The following PRKN variants were observed in gnomAD, a reference collection of about 807,000 sequenced individuals.
PRKN encodes the protein parkin RBR E3 ubiquitin protein ligase.
In PRKN, 56 loss-of-function variants were observed where a neutral mutation model predicts 59.5. That is an observed-to-expected ratio of 0.94 (90% CI 0.76 to 1.18). PRKN has a LOEUF of 1.18. PRKN is among the 50% of genes most tolerant of loss of function. The probability of loss-of-function intolerance (pLI) is 0.00; values close to 1 mark genes in which losing one functional copy is unlikely to be tolerated. For missense variants in PRKN, 657 were observed against 596.4 expected (o/e 1.10, Z -1.06); for synonymous variants, 250 against 222.1 (o/e 1.13, Z -1.12).
chr6:162,169,795 C>T (rs971293851), intron 4 of PRKN, among the ~76,000 whole-genome samples: 4 of 152,156 alleles, frequency 2.6e-5, no homozygotes, highest in African/African-American at 9.7e-5. Flanking sequence ...ATTAATGAAT[C>T]CTTTTGATCT....
intron 1 of PRKN, among the ~76,000 whole-genome samples, chr6:162,588,013 G>GTTTTTTTTTTTTTTTTT (rs71004102): frequency 1.5e-5 from 2 of 136,666 alleles, no homozygotes; most frequent in Admixed American, 7.5e-5. Context: ...GAGTTTTTGA[G>GTTTTTTTTTTTTTTTTT]TTTTTTTTTT....
chr6:161,614,963 CAGAG>C (rs71694349), intron 7 of PRKN, among the ~76,000 whole-genome samples: 22,206 of 147,084 alleles, frequency 0.15, 1,741 homozygotes, highest in African/African-American at 0.2. Flanking sequence ...GAGAGGAAGA[CAGAG>C]AGAGAGAGAG....
rs1366042925 is a variant in PRKN at position 161,545,256 on chromosome 6, C to A, written c.1083+3598G>T. 4 of 1,411,782 alleles carry A rather than the reference C, an allele frequency of 2.8e-6. No homozygotes were observed. The highest frequency in any genetic ancestry group is 3.7e-6 in the Non-Finnish European group (4 of 1,081,308). The allele number at this position is 1,411,782 out of a possible 1,614,324, so 87.5% of individuals were successfully genotyped here. On this transcript the variant is annotated intron_variant, in intron 9 of 11. Transcript: ENST00000366898. The surrounding 1 kb of genome is among the most constrained non-coding windows in gnomAD (Gnocchi z 4.1). ...CACGGGTGAATTCACAGGCATCTTACAATAAATCTGTGAACCACATCCTGA... is the reference window on the plus strand; with the variant it reads ...CACGGGTGAATTCACAGGCATCTTAAAATAAATCTGTGAACCACATCCTGA...
intron 7 of PRKN, among the ~76,000 whole-genome samples, chr6:161,630,636 C>T (rs1376675156): frequency 6.6e-6 from 1 of 152,114 alleles, no homozygotes; most frequent in East Asian, 1.9e-4. Context: ...ACAAATTCAT[C>T]ATCTTTAAGT....
chr6:161,701,520 G>T (rs532573782), intron 7 of PRKN, among the ~76,000 whole-genome samples: 1 of 152,154 alleles, frequency 6.6e-6, no homozygotes, highest in Admixed American at 6.5e-5. Context: ...CATAAGAAAT[G>T]GATTTTTCAG....
chr6:162,086,099 A>G (rs190750385), intron 4 of PRKN, among the ~76,000 whole-genome samples: 1 of 152,282 alleles, frequency 6.6e-6, no homozygotes, highest in East Asian at 1.9e-4. Context: ...CTCACAATTA[A>G]TGTACTAATG....
intron 1 of PRKN, among the ~76,000 whole-genome samples, chr6:162,541,870 G>A (rs1778937874): frequency 6.6e-6 from 1 of 151,932 alleles, no homozygotes; most frequent in Admixed American, 6.5e-5. Context: ...TCTGAGCTTT[G>A]CTGACATTCA....
At chr6:161,839,756 G>A (rs189628847) in intron 6 of PRKN, among the ~76,000 whole-genome samples, 4 of 152,298 alleles carry the variant, frequency 2.6e-5, no homozygotes, top group African/African-American at 7.2e-5. Flanking sequence ...CAGGAGGGGC[G>A]CAGCCAATCA....
chr6:161,919,413 A>ACCCTAAATT (rs1193189898), intron 6 of PRKN, among the ~76,000 whole-genome samples: 2 of 152,206 alleles, frequency 1.3e-5, no homozygotes, highest in African/African-American at 2.4e-5. Flanking sequence ...TTTTTCTGAA[A>ACCCTAAATT]CTGGATTGTG....
chr6:162,241,870 T>C (rs531613583), intron 3 of PRKN, among the ~76,000 whole-genome samples: 6 of 152,192 alleles, frequency 3.9e-5, no homozygotes, highest in Middle Eastern at 6.8e-3. Flanking sequence ...GAAGTCACTT[T>C]AGTTCTAGTA....
chr6:162,409,388 T>A (rs866843064), intron 2 of PRKN, among the ~76,000 whole-genome samples: 21 of 152,084 alleles, frequency 1.4e-4, no homozygotes, highest in African/African-American at 5.1e-4. Context: ...AGCTTCTGGC[T>A]TAAAGTGATC....
chr6:162,713,634 G>C (rs1387979877), intron 1 of PRKN, among the ~76,000 whole-genome samples: 1 of 151,954 alleles, frequency 6.6e-6, no homozygotes, highest in Non-Finnish European at 1.5e-5. Flanking sequence ...TACAATTAGG[G>C]TTCAAAATTC....
chr6:162,439,367 C>A lies in PRKN; in HGVS notation c.171+3943G>T, dbSNP rs540246788. Among the ~76,000 whole-genome samples, 400 of 135,662 alleles carry A rather than the reference C, an allele frequency of 2.9e-3. 3 individuals carry two copies. The highest frequency in any genetic ancestry group is 0.011 in the African/African-American group (384 of 34,282). 89.0% of individuals were successfully genotyped at this position (135,662 alleles called of 152,430 possible). On this transcript the variant is annotated intron_variant, in intron 2 of 11. Transcript: ENST00000366898. Reference sequence around the variant, plus strand: ...CTCTCTCTCTCTCTCTCTCTCTCTGCCCCTCCCTTCCTCTCTGCTTCTTTT... The same window carrying A: ...CTCTCTCTCTCTCTCTCTCTCTCTGACCCTCCCTTCCTCTCTGCTTCTTTT...
intron 9 of PRKN, among the ~76,000 whole-genome samples, chr6:161,438,900 G>A (rs544552807): frequency 1.3e-5 from 2 of 152,232 alleles, no homozygotes; most frequent in African/African-American, 2.4e-5. Flanking sequence ...AGAAATATAA[G>A]CACATGAGAG....
At chr6:162,323,161 T>C (rs1031182197) in intron 2 of PRKN, among the ~76,000 whole-genome samples, 6 of 151,716 alleles carry the variant, frequency 4.0e-5, no homozygotes, top group Admixed American at 2.0e-4. Flanking sequence ...GCATGGCACA[T>C]GTATACATAT....
intron 7 of PRKN, among the ~76,000 whole-genome samples, chr6:161,596,850 C>A (rs1781933092): frequency 6.6e-6 from 1 of 152,196 alleles, no homozygotes; most frequent in Non-Finnish European, 1.5e-5. Context: ...TGATTTGATG[C>A]AAGACCTGGC....
intron 7 of PRKN, among the ~76,000 whole-genome samples, chr6:161,587,066 C>T (rs1347328144): frequency 1.3e-5 from 2 of 152,198 alleles, no homozygotes; most frequent in Non-Finnish European, 2.9e-5. Context: ...GCTATCAGAA[C>T]TCACTAATCC....
In PRKN at chr6:161,572,660, CAATAAATA is replaced by C. The variant is rs10674600; in HGVS notation, c.872-3252_872-3245del. Among the ~76,000 whole-genome samples the C allele has an allele frequency of 7.3e-5, 11 of 149,926 alleles. No individual in the cohort carries two copies. In the East Asian group the frequency reaches 1.0e-3, roughly 14 times the overall value. On this transcript the variant is annotated intron_variant, in intron 7 of 11. Transcript: ENST00000366898. ...GGGCAACAACAGCAAGACTCTGTCT[CAATAAATA>C]AATAAATAAATAAATAAATAACCCA...
chr6:161,984,901 G>A (rs900071247), intron 5 of PRKN, among the ~76,000 whole-genome samples: 1 of 152,192 alleles, frequency 6.6e-6, no homozygotes, highest in African/African-American at 2.4e-5. Context: ...CTGGCCAGAT[G>A]AAGCAGCCCT....
Sources: gnomAD v4.1 joint callset for allele counts (sites outside exome capture counted in the v4.1 genomes callset) on GRCh38, gnomAD v4.1.1 for gene constraint, Gnocchi (gnomAD v3.1) non-coding constraint, MANE v1.5 for transcripts, NCBI Gene and HGNC (gene_info 2026-07-23, HGNC 2026-07-21) for gene names.